SLCO2A1: variants seen among roughly 807,000 people sequenced by gnomAD.
SLCO2A1 encodes the protein matrin F/G 1.
A neutral mutation model predicts 71.7 loss-of-function variants in SLCO2A1; 60 were observed. The observed-to-expected ratio is 0.84, with a 90% CI of 0.68 to 1.04. The LOEUF is 1.04. Among genes scored for constraint, SLCO2A1 ranks in the 50% least tolerant of loss-of-function variants. The pLI is 0.00. For synonymous variants in SLCO2A1, 308 were observed against 326.7 expected (o/e 0.94, Z 0.62); for missense variants, 745 against 813.4 (o/e 0.92, Z 1.02).
chr3:134,026,312 C>CG (rs1213913889), intron 1 of SLCO2A1, among the ~76,000 whole-genome samples: 1 of 151,592 alleles, frequency 6.6e-6, no homozygotes, highest in Non-Finnish European at 1.5e-5. Context: ...TGGACCCACC[C>CG]GGAGTCCCAC....
At chr3:133,955,343 C>A (rs1199796739) in intron 3 of SLCO2A1, 150 bp from the exon 4 acceptor site, 2 of 620,118 alleles carry the variant, frequency 3.2e-6, no homozygotes, top group Non-Finnish European at 5.6e-6. Flanking sequence ...TTCCTGAGGA[C>A]CGCGTCCTTC....
At chr3:133,962,697 G>A (rs1934067389) in intron 3 of SLCO2A1, among the ~76,000 whole-genome samples, 1 of 152,186 alleles carries the variant, frequency 6.6e-6, no homozygotes. Flanking sequence ...ACCTCTCATT[G>A]CTTCGCAAGC....
intron 3 of SLCO2A1, 172 bp from the exon 4 acceptor site, chr3:133,955,365 C>G (rs931333764): frequency 2.0e-5 from 12 of 594,068 alleles, no homozygotes; most frequent in East Asian, 5.6e-5. Context: ...GTCTGGCCAG[C>G]AGGAGGGACT....
At chr3:133,987,901 A>C (rs1277596417) in intron 1 of SLCO2A1, among the ~76,000 whole-genome samples, 1 of 152,238 alleles carries the variant, frequency 6.6e-6, no homozygotes, top group Non-Finnish European at 1.5e-5. Context: ...TGCTTTCCCA[A>C]ACAGGACTCT....
At chr3:133,982,261 A>C (rs1934612515) in intron 1 of SLCO2A1, among the ~76,000 whole-genome samples, 1 of 152,126 alleles carries the variant, frequency 6.6e-6, no homozygotes, top group Admixed American at 6.6e-5. Context: ...GCCTTGCCAG[A>C]TCTTCCTCCT....
intron 1 of SLCO2A1, among the ~76,000 whole-genome samples, chr3:133,993,714 T>C (rs536921407): frequency 1.8e-4 from 28 of 152,326 alleles, no homozygotes; most frequent in African/African-American, 6.3e-4. Context: ...TGGCAGTAAT[T>C]TGTTAGGTTG....
At chr3:133,936,618 G>T (rs951635364) in intron 12 of SLCO2A1, among the ~76,000 whole-genome samples, 4 of 152,148 alleles carry the variant, frequency 2.6e-5, no homozygotes, top group African/African-American at 9.7e-5. Context: ...GGCAGTTACT[G>T]GACTGCGGAG....
chr3:133,942,682 G>A lies in SLCO2A1; in HGVS notation c.1548C>T (p.Leu516=). The stretch of plus-strand genomic sequence containing the variant: ...CGAAGGAGATGAGGAAGATGGCCGG[G>A]AGCAGGAAGTGGGCACAGGGGACAG... ...SCPVPCAHFL[L]PAIFLISFVS... Residue 516 remains leucine (L), a synonymous_variant, in exon 11 of 14, where the codon CTC becomes CTT. Transcript: ENST00000310926. 6.2e-6 allele frequency: 10 copies of A among 1,613,970 alleles called. No individual in the cohort carries two copies. The highest frequency in any genetic ancestry group is 8.5e-6 in the Non-Finnish European group (10 of 1,179,956).
chr3:133,999,073 C>A (rs574152871), intron 1 of SLCO2A1, among the ~76,000 whole-genome samples: 14 of 152,214 alleles, frequency 9.2e-5, no homozygotes, highest in African/African-American at 3.1e-4. Context: ...CGCCAGGATG[C>A]CTTTCCTGAT....
intron 3 of SLCO2A1, among the ~76,000 whole-genome samples, chr3:133,970,360 G>A (rs958161527): frequency 5.9e-5 from 9 of 152,186 alleles, no homozygotes; most frequent in Non-Finnish European, 8.8e-5. Context: ...TTCAGACTGA[G>A]GACTGCCTGG....
At position 133,979,531 on chromosome 3, in the gene SLCO2A1, G is replaced by A. The variant is rs200244112; in HGVS notation, c.184C>T (p.Arg62Cys). The change falls in exon 2 of 14, where the codon CGC becomes TGC. Residue 62 changes from arginine to cysteine, a missense_variant. Coordinates refer to ENST00000310926, the MANE Select transcript of SLCO2A1 (RefSeq NM_005630.3). Reference protein sequence around the residue: ...FKSSLTTIEKRFGLSSSSSGL... With the variant: ...FKSSLTTIEKCFGLSSSSSGL... Reference sequence around the variant, plus strand: ...GATGAAGAACTGGAGAGCCCAAAGCGCTTCTCAATGGTGGTGAGGCTGCTC... The same window carrying A: ...GATGAAGAACTGGAGAGCCCAAAGCACTTCTCAATGGTGGTGAGGCTGCTC... 82 of 1,614,130 alleles carry A rather than the reference G, an allele frequency of 5.1e-5. No homozygotes were observed. The highest frequency in any genetic ancestry group is 6.2e-5 in the Non-Finnish European group (73 of 1,180,004).
chr3:133,975,029 C>G (rs1217505272), intron 2 of SLCO2A1, among the ~76,000 whole-genome samples: 1 of 152,166 alleles, frequency 6.6e-6, no homozygotes, highest in Non-Finnish European at 1.5e-5. Flanking sequence ...TCAGAATTCC[C>G]ATGACACCAT....
In SLCO2A1 at chr3:133,973,679, G is replaced by A. The variant is rs779546090; in HGVS notation, c.381C>T (p.Tyr127=). ...GCCACTCACCAGTGCTGGCCAAGGT[G>A]TACTGGTAGGGCTCGGAGAGGAAGT... is the stretch of plus-strand genomic sequence containing the variant. ...LPHFLSEPYQ[Y]TLASTGNNSR... is the part of the protein sequence containing the mutation. Residue 127 remains tyrosine, a synonymous_variant, in exon 3 of 14, where the codon TAC becomes TAT. Transcript: ENST00000310926. 31 of 1,613,968 alleles carry A rather than the reference G, an allele frequency of 1.9e-5. 1 individual carries two copies. In the South Asian group the frequency reaches 3.4e-4, roughly 18 times the overall value.
Position 133,938,418 on chromosome 3 carries a change from T to TA in SLCO2A1, c.1690+10dup, listed in dbSNP as rs1441736968. ...GGCCACTTCTTGGGAAGAGGGGTCT[T>TA]AGACACTTACCCAGCAAGCGCATCA... On this transcript the variant is annotated intron_variant, in intron 12 of 13. Transcript: ENST00000310926. 2 of 1,613,560 alleles carry TA rather than the reference T, an allele frequency of 1.2e-6. No homozygotes were observed. The highest frequency in any genetic ancestry group is 1.7e-6 in the Non-Finnish European group (2 of 1,179,624).
chr3:133,955,849 G>T (rs563925664), intron 3 of SLCO2A1, among the ~76,000 whole-genome samples: 1 of 152,320 alleles, frequency 6.6e-6, no homozygotes, highest in East Asian at 1.9e-4. Flanking sequence ...TGCTGGAGGG[G>T]CTTTAAGACC....
rs769308147 is a variant in SLCO2A1, at chr3:133,955,024, T to C, written c.567A>G (p.Pro189=). ...LAGIGTVPIQ[P]FGISYVDDFS... is the part of the protein sequence containing the mutation. ...AGTCATCCACATAGGAGATCCCAAA[T>C]GGCTGAATAGGCACTGTCCCGATGC... Residue 189 remains proline, a synonymous_variant, in exon 4 of 14, where the codon CCA becomes CCG. Coordinates refer to ENST00000310926, the MANE Select transcript of SLCO2A1 (RefSeq NM_005630.3). The C allele has an allele frequency of 6.2e-7, 1 of 1,614,140 alleles. No individual in the cohort carries two copies. The highest frequency in any genetic ancestry group is 1.1e-5 in the South Asian group (1 of 91,074).
At chr3:133,951,499 C>A (rs1415213236) in intron 5 of SLCO2A1, among the ~76,000 whole-genome samples, 155 bp from the exon 6 acceptor site, 2 of 152,228 alleles carry the variant, frequency 1.3e-5, no homozygotes, top group African/African-American at 2.4e-5. Flanking sequence ...ACAACATTCC[C>A]TCTCCCAGCT....
At chr3:134,004,818 A>T (rs949089424) in intron 1 of SLCO2A1, among the ~76,000 whole-genome samples, 1 of 152,238 alleles carries the variant, frequency 6.6e-6, no homozygotes, top group African/African-American at 2.4e-5. Flanking sequence ...CTCCAGAAGG[A>T]ACACAGCCCT....
chr3:134,011,414 TGAA>T (rs1322344060), intron 1 of SLCO2A1, among the ~76,000 whole-genome samples: 3 of 152,226 alleles, frequency 2.0e-5, no homozygotes, highest in African/African-American at 4.8e-5. Flanking sequence ...CTCTGAGGAC[TGAA>T]GAAGAAGGAG....
Sources: gnomAD v4.1 joint callset for allele counts (sites outside exome capture counted in the v4.1 genomes callset) on GRCh38, gnomAD v4.1.1 for gene constraint, MANE v1.5 for transcripts, NCBI Gene and HGNC (gene_info 2026-07-23, HGNC 2026-07-21) for gene names.